The following AGTPBP1 variants were observed in gnomAD, a reference collection of about 807,000 sequenced individuals.
AGTPBP1 encodes ATP/GTP binding carboxypeptidase 1.
AGTPBP1 carries 70 observed loss-of-function variants against 143.9 expected under a neutral mutation model. The ratio of observed to expected loss-of-function variants is 0.49; its 90% CI spans 0.40 to 0.59. The LOEUF (loss-of-function observed/expected upper bound fraction) is 0.59, where lower values mean the gene tolerates loss of function less well. AGTPBP1 is among the 20% of genes least tolerant of loss of function. AGTPBP1 has a pLI of 0.00. For synonymous variants in AGTPBP1, 463 were observed against 500.2 expected (o/e 0.93, Z 0.99); for missense variants, 1,229 against 1,464.5 (o/e 0.84, Z 2.62).
chr9:85,697,604 C>A lies in AGTPBP1; in HGVS notation c.33-4791G>T, dbSNP rs747148408. ...AGTAGCTGGGACTACAGGCACCCAC[C>A]ACCACACCCAGCTAACTTTTTGTAT... On this transcript the variant is annotated intron_variant, in intron 2 of 25. Coordinates refer to ENST00000357081, the MANE Select transcript of AGTPBP1 (RefSeq NM_001330701.2). Among the ~76,000 whole-genome samples the A allele has an allele frequency of 8.5e-4, 129 of 151,542 alleles. 2 individuals are homozygous for A. Among genetic ancestry groups the A allele is most frequent in the Non-Finnish European group, 1.7e-3 (116 of 67,830 alleles).
chr9:85,655,035 T>C, intron 11 of AGTPBP1, 108 bp downstream of exon 11: 1 of 985,414 alleles, frequency 1.0e-6, no homozygotes, highest in Non-Finnish European at 1.4e-6. Flanking sequence ...TTTATCACGT[T>C]AAGTAAGGCC....
At chr9:85,636,892 T>C (rs1317544364) in intron 13 of AGTPBP1, among the ~76,000 whole-genome samples, 1 of 152,054 alleles carries the variant, frequency 6.6e-6, no homozygotes, top group Non-Finnish European at 1.5e-5. Context: ...TACTAGGAAC[T>C]GTAGCATTAA....
At chr9:85,668,747 T>C (rs556653937) in intron 8 of AGTPBP1, among the ~76,000 whole-genome samples, 2 of 151,676 alleles carry the variant, frequency 1.3e-5, no homozygotes, top group South Asian at 2.1e-4. Flanking sequence ...ATGTTCAGAA[T>C]TGTTAAACAC....
chr9:85,601,331 T>G (rs1174624997), intron 17 of AGTPBP1, among the ~76,000 whole-genome samples: 1 of 152,104 alleles, frequency 6.6e-6, no homozygotes, highest in Admixed American at 6.5e-5. Flanking sequence ...CCAGAGCCCC[T>G]GTAAATCACG....
At chr9:85,774,724 T>C in the AGTPBP1 span, among the ~76,000 whole-genome samples, 3 of 152,224 alleles carry the variant, frequency 2.0e-5, no homozygotes, top group Admixed American at 6.5e-5. Flanking sequence ...CATGAATCCA[T>C]AGCTGAAAAT....
At chr9:85,663,783 T>C (rs990475770) in intron 8 of AGTPBP1, among the ~76,000 whole-genome samples, 4 of 151,900 alleles carry the variant, frequency 2.6e-5, no homozygotes, top group Non-Finnish European at 5.9e-5. Context: ...ATTCTACTCC[T>C]AGATATCTAT....
At chr9:85,795,605 A>C in the AGTPBP1 span, among the ~76,000 whole-genome samples, 1,006 of 152,304 alleles carry the variant, frequency 6.6e-3, 16 homozygotes, top group African/African-American at 0.023. Flanking sequence ...GGGCTCACAA[A>C]GTAAAGAGGA....
At chr9:85,690,063 T>C (rs1835765075) in intron 3 of AGTPBP1, among the ~76,000 whole-genome samples, 1 of 151,472 alleles carries the variant, frequency 6.6e-6, no homozygotes, top group African/African-American at 2.4e-5. Context: ...CCTCCAACAG[T>C]GTATGAGAGT....
chr9:85,670,894 A>G (rs958167637), intron 7 of AGTPBP1, among the ~76,000 whole-genome samples: 1 of 151,940 alleles, frequency 6.6e-6, no homozygotes, highest in Non-Finnish European at 1.5e-5. Context: ...CCTTGATTGA[A>G]GTATTTGGTG....
intron 17 of AGTPBP1, among the ~76,000 whole-genome samples, chr9:85,604,015 G>A (rs1829838165): frequency 6.6e-6 from 1 of 152,196 alleles, no homozygotes; most frequent in South Asian, 2.1e-4. Context: ...TCTAGGCCCT[G>A]AATGCTGTAC....
intron 25 of AGTPBP1, 65 bp from the exon 26 acceptor site, chr9:85,547,351 T>C: frequency 1.5e-6 from 2 of 1,358,496 alleles, no homozygotes; most frequent in Non-Finnish European, 9.8e-7. Flanking sequence ...TATAAGATTA[T>C]TTCACCATAC....
chr9:85,584,579 A>C (rs1828484704), intron 23 of AGTPBP1, among the ~76,000 whole-genome samples: 1 of 152,198 alleles, frequency 6.6e-6, no homozygotes, highest in East Asian at 1.9e-4. Flanking sequence ...TTTGCTCCAC[A>C]AAGTTTTGCT....
chr9:85,581,150 T>C (rs1478572649), intron 23 of AGTPBP1, among the ~76,000 whole-genome samples: 1 of 152,202 alleles, frequency 6.6e-6, no homozygotes, highest in African/African-American at 2.4e-5. Flanking sequence ...AAAGAAGATG[T>C]GCTTTGAAGT....
chr9:85,765,568 C>T, the AGTPBP1 span, among the ~76,000 whole-genome samples: 3 of 151,976 alleles, frequency 2.0e-5, no homozygotes, highest in East Asian at 5.8e-4. Context: ...TCAAATTGCC[C>T]CAGACTTTGT....
chr9:85,765,990 T>A, the AGTPBP1 span, among the ~76,000 whole-genome samples: 1 of 152,038 alleles, frequency 6.6e-6, no homozygotes, highest in Non-Finnish European at 1.5e-5. Flanking sequence ...AGCCAGGGTG[T>A]CCTCCCAAGG....
chr9:85,719,244 A>C (rs1231055443), intron 1 of AGTPBP1, among the ~76,000 whole-genome samples: 1 of 152,128 alleles, frequency 6.6e-6, no homozygotes, highest in Non-Finnish European at 1.5e-5. Flanking sequence ...TGAATCTATA[A>C]ATTACCTTGG....
intron 17 of AGTPBP1, among the ~76,000 whole-genome samples, chr9:85,601,682 C>T (rs1829681616): frequency 1.3e-5 from 2 of 152,200 alleles, no homozygotes; most frequent in Non-Finnish European, 2.9e-5. Context: ...ACCCACCCAC[C>T]TATCTGGCCC....
chr9:85,678,056 T>C (rs1478351903), intron 5 of AGTPBP1, among the ~76,000 whole-genome samples: 1 of 152,184 alleles, frequency 6.6e-6, no homozygotes, highest in Non-Finnish European at 1.5e-5. Flanking sequence ...TTTTGTTTAA[T>C]CTCATTTATT....
At chr9:85,584,139 C>CT (rs201097911) in intron 23 of AGTPBP1, among the ~76,000 whole-genome samples, 1 of 152,064 alleles carries the variant, frequency 6.6e-6, no homozygotes, top group East Asian at 1.9e-4. Flanking sequence ...ATTTTCTTAT[C>CT]TTTTTTTTAT....
Sources: gnomAD v4.1 joint callset for allele counts (sites outside exome capture counted in the v4.1 genomes callset) on GRCh38, gnomAD v4.1.1 for gene constraint, MANE v1.5 for transcripts, NCBI Gene and HGNC (gene_info 2026-07-23, HGNC 2026-07-21) for gene names.